ARNT: variants seen among roughly 807,000 people sequenced by gnomAD.
ARNT encodes aryl hydrocarbon receptor nuclear translocator.
ARNT carries 30 observed loss-of-function variants against 105.0 expected under a neutral mutation model. The observed-to-expected ratio is 0.29, with a 90% CI of 0.21 to 0.39. ARNT has a LOEUF of 0.39. Among genes scored for constraint, ARNT ranks in the 10% least tolerant of loss-of-function variants. ARNT has a pLI of 1.00. For synonymous variants in ARNT, 304 were observed against 344.0 expected (o/e 0.88, Z 1.29); for missense variants, 748 against 978.7 (o/e 0.76, Z 3.15).
At chr1:150,817,281 A>T in intron 16 of ARNT, 79 bp from the exon 17 acceptor site, 1 of 1,611,572 alleles carries the variant, frequency 6.2e-7, no homozygotes, top group Non-Finnish European at 8.5e-7. Flanking sequence ...TATACAACAT[A>T]TGTACATTCT....
At position 150,811,433 on chromosome 1, in the gene ARNT, G is replaced by A. The variant is rs2101474469; in HGVS notation, c.*588C>T. ...TGCATAACTCCCTAATAGGGAGAAA[G>A]AGTGAAATACAGAAGCATGTGTGCG... On this transcript the variant is annotated 3_prime_UTR_variant, in exon 22 of 22. Transcript: ENST00000358595. The A allele has an allele frequency of 4.3e-6, 1 of 231,872 alleles. No individual in the cohort carries two copies. The highest frequency in any genetic ancestry group is 1.8e-4 in the South Asian group (1 of 5,428). The allele number at this position is 231,872 out of a possible 1,614,324, so 14.4% of individuals were successfully genotyped here. A position where few individuals can be genotyped will look rare whatever the true frequency, so the allele number is the denominator to read the frequency against.
At chr1:150,817,246 G>T (rs747095702) in intron 16 of ARNT, 44 bp from the exon 17 acceptor site, 1 of 1,612,790 alleles carries the variant, frequency 6.2e-7, no homozygotes, top group Non-Finnish European at 8.5e-7. Flanking sequence ...GATTTAACAT[G>T]ACAATTCAAT....
intron 13 of ARNT, among the ~76,000 whole-genome samples, chr1:150,825,115 C>T (rs1557869926): frequency 6.6e-6 from 1 of 152,112 alleles, no homozygotes; most frequent in Non-Finnish European, 1.5e-5. Context: ...CTGCCTCAGC[C>T]TCCCAAAGTG....
chr1:150,850,668 A>G (rs950295482), intron 3 of ARNT, among the ~76,000 whole-genome samples: 1 of 152,192 alleles, frequency 6.6e-6, no homozygotes, highest in African/African-American at 2.4e-5. Context: ...TTGGCTTCCC[A>G]AAGTGCCAGG....
chr1:150,876,404 T>G, intron 1 of ARNT, 139 bp downstream of exon 1: 1 of 1,294,988 alleles, frequency 7.7e-7, no homozygotes, highest in Non-Finnish European at 1.0e-6. Context: ...AGGTCACCGC[T>G]CCCCCACCGT....
chr1:150,850,896 C>T (rs1342667691), intron 3 of ARNT, among the ~76,000 whole-genome samples: 3 of 151,922 alleles, frequency 2.0e-5, no homozygotes, highest in Non-Finnish European at 4.4e-5. Context: ...GCCCCGCCAC[C>T]CCGTCTGGGA....
chr1:150,823,110 A>AC, intron 14 of ARNT, 84 bp downstream of exon 14: 1 of 1,314,888 alleles, frequency 7.6e-7, no homozygotes. Context: ...TTGATTGTTT[A>AC]CCCCCCACAT....
chr1:150,859,450 G>A (rs1262411597), intron 1 of ARNT, among the ~76,000 whole-genome samples: 1 of 151,250 alleles, frequency 6.6e-6, no homozygotes. Flanking sequence ...GGGCTCCAGT[G>A]ATCCTCCTGT....
intron 14 of ARNT, among the ~76,000 whole-genome samples, chr1:150,822,459 T>C (rs1177231783): frequency 6.6e-6 from 1 of 152,154 alleles, no homozygotes; most frequent in Non-Finnish European, 1.5e-5. Context: ...TAATCACTCA[T>C]GGCTACATAA....
chr1:150,852,954 C>T, intron 2 of ARNT, 148 bp from the exon 3 acceptor site: 1 of 1,006,300 alleles, frequency 9.9e-7, no homozygotes, highest in Non-Finnish European at 1.5e-6. Context: ...AGCTACATTT[C>T]CTCTTGTTCA....
At chr1:150,860,374 C>T (rs185640388) in intron 1 of ARNT, among the ~76,000 whole-genome samples, 104 of 151,426 alleles carry the variant, frequency 6.9e-4, no homozygotes, top group South Asian at 1.1e-3. Context: ...CACCACCACG[C>T]CTGGCTAATT....
At chr1:150,831,524 C>A (rs1438756039) in intron 10 of ARNT, 4 of 275,524 alleles carry the variant, frequency 1.5e-5, no homozygotes, top group Admixed American at 5.3e-5. Flanking sequence ...GTCTAAGTTT[C>A]TTTGCAACAA....
At chr1:150,865,492 C>G (rs1434039649) in intron 1 of ARNT, among the ~76,000 whole-genome samples, 1 of 152,128 alleles carries the variant, frequency 6.6e-6, no homozygotes, top group African/African-American at 2.4e-5. Context: ...TCTGGGTATG[C>G]AGGGTAGGGT....
intron 11 of ARNT, 62 bp from the exon 12 acceptor site, chr1:150,829,289 T>C: frequency 6.5e-7 from 1 of 1,531,474 alleles, no homozygotes; most frequent in Non-Finnish European, 9.0e-7. Context: ...GTATTTCCTA[T>C]CTCCTCATGG....
chr1:150,875,858 G>A (rs587608382), intron 1 of ARNT, among the ~76,000 whole-genome samples: 1 of 152,220 alleles, frequency 6.6e-6, no homozygotes, highest in Admixed American at 6.5e-5. Context: ...TTAAACCTGG[G>A]GCTGTGGAAC....
chr1:150,817,313 C>G, intron 16 of ARNT, 48 bp downstream of exon 16: 2 of 1,611,964 alleles, frequency 1.2e-6, no homozygotes, highest in Non-Finnish European at 1.7e-6. Flanking sequence ...GAGAACACTT[C>G]CTAAGTAAAT....
intron 13 of ARNT, among the ~76,000 whole-genome samples, chr1:150,824,425 G>A (rs1050812540): frequency 7.3e-5 from 11 of 150,660 alleles, no homozygotes; most frequent in Non-Finnish European, 1.0e-4. Context: ...TTTTTTCCCC[G>A]AAACCTGAGA....
At chr1:150,842,331 CAA>C in intron 5 of ARNT, 91 bp downstream of exon 5, 1 of 1,513,670 alleles carries the variant, frequency 6.6e-7, no homozygotes. Flanking sequence ...AGGAAAAATA[CAA>C]AGAGAAAGGG....
intron 1 of ARNT, among the ~76,000 whole-genome samples, chr1:150,870,319 TTA>T (rs1402271564): frequency 6.9e-6 from 1 of 144,762 alleles, no homozygotes; most frequent in Admixed American, 6.7e-5. Context: ...AATGGCTTAA[TTA>T]GTTTTATCCC....
Sources: gnomAD v4.1 joint callset for allele counts (sites outside exome capture counted in the v4.1 genomes callset) on GRCh38, gnomAD v4.1.1 for gene constraint, MANE v1.5 for transcripts, NCBI Gene and HGNC (gene_info 2026-07-23, HGNC 2026-07-21) for gene names.